BEST1: variants seen among roughly 807,000 people sequenced by gnomAD.
BEST1 encodes the protein bestrophin-1.
Under a neutral mutation model 63.3 loss-of-function variants are expected in BEST1, and 58 were observed. The ratio of observed to expected loss-of-function variants is 0.92; its 90% CI spans 0.74 to 1.14. The LOEUF (loss-of-function observed/expected upper bound fraction) is 1.14. Among genes scored for constraint, BEST1 ranks in the 50% most tolerant of loss-of-function variants. The pLI is 0.00. For missense variants in BEST1, 671 were observed against 740.1 expected, an observed-to-expected ratio of 0.91 and a Z score of 1.08; for synonymous variants, 283 against 291.6, an observed-to-expected ratio of 0.97 and a Z score of 0.30.
In BEST1 at chr11:61,958,128, T is replaced by TCCTCCTCCA. The variant is rs750482181; in HGVS notation, c.715-10_715-9insACCTCCTCC. ...TCCCACCTAGCCCTTTGCTACCACATCCTCCTCCTCCTCCCAGGTGGTGAC... is the reference window on the plus strand; with the variant it reads ...TCCCACCTAGCCCTTTGCTACCACATCCTCCTCCACCTCCTCCTCCTCCCAGGTGGTGAC... On this transcript the variant is annotated splice_polypyrimidine_tract_variant and intron_variant, in intron 6 of 10. Transcript: ENST00000378043. The TCCTCCTCCA allele has an allele frequency of 1.2e-5, 18 of 1,449,226 alleles. No individual in the cohort carries two copies. In the Admixed American group the frequency reaches 3.6e-4, roughly 29 times the overall value. The allele number at this position is 1,449,226 out of a possible 1,614,324, so 89.8% of individuals were successfully genotyped here. A position where few individuals can be genotyped will look rare whatever the true frequency, so the allele number is the denominator to read the frequency against.
chr11:61,950,689 A>C (rs1027575284), intron 1 of BEST1, among the ~76,000 whole-genome samples: 2 of 152,196 alleles, frequency 1.3e-5, no homozygotes, highest in African/African-American at 4.8e-5. Context: ...ATTTTTATTG[A>C]GCGCCTTCTA....
At chr11:61,952,104 G>A (rs942188304) in intron 2 of BEST1, 146 bp downstream of exon 2, 17 of 1,050,524 alleles carry the variant, frequency 1.6e-5, no homozygotes, top group Non-Finnish European at 2.4e-5. Flanking sequence ...CTGGGCACTG[G>A]AGCTGAGGCT....
At chr11:61,958,873 GACACACACAC>G (rs71471844) in intron 7 of BEST1, 2 of 192,762 alleles carry the variant, frequency 1.0e-5, no homozygotes, top group Non-Finnish European at 2.0e-5. Context: ...CTGTCACTGT[GACACACACAC>G]ACACACACAC....
chr11:61,952,845 C>T (rs967258183), intron 2 of BEST1, among the ~76,000 whole-genome samples: 23 of 152,022 alleles, frequency 1.5e-4, no homozygotes, highest in African/African-American at 5.3e-4. Context: ...CAGTGACTCG[C>T]GTCTGTAATC....
chr11:61,964,944 C>G, downstream of BEST1: 1 of 1,614,026 alleles, frequency 6.2e-7, no homozygotes, highest in Non-Finnish European at 8.5e-7. Context: ...ATCCCTAAGG[C>G]AAATGATTTC....
At chr11:61,955,301 G>T in intron 3 of BEST1, 100 bp downstream of exon 3, 5 of 1,587,028 alleles carry the variant, frequency 3.2e-6, no homozygotes, top group South Asian at 1.1e-5. Context: ...GGCTGGGGAG[G>T]GGGCGGGGGA....
At chr11:61,956,806 G>T (rs1941415641) in intron 4 of BEST1, 38 bp from the exon 5 acceptor site, 2 of 1,613,352 alleles carry the variant, frequency 1.2e-6, no homozygotes, top group Non-Finnish European at 1.7e-6. Flanking sequence ...CCTTCTGCAG[G>T]TTCTCCCACC....
chr11:61,956,558 G>C (rs765971696), intron 4 of BEST1, among the ~76,000 whole-genome samples: 1 of 152,124 alleles, frequency 6.6e-6, no homozygotes, highest in Non-Finnish European at 1.5e-5. Context: ...TCGGGAGGCT[G>C]AGGCAGGAGG....
rs1366033592 is a variant in BEST1 at position 61,964,404 on chromosome 11, C to G, written c.*282C>G. The stretch of plus-strand genomic sequence containing the variant: ...CCCTTAGTTCTATCTGAATCCAAGA[C>G]AGCCACACCTTAGTATACTGCCCAA... On this transcript the variant is annotated 3_prime_UTR_variant, in exon 11 of 11. Transcript: ENST00000378043. 1 of 637,596 alleles carries G rather than the reference C, an allele frequency of 1.6e-6. No individual in the cohort carries two copies. The highest frequency in any genetic ancestry group is 2.0e-5 in the South Asian group (1 of 50,588). 39.5% of individuals were successfully genotyped at this position (637,596 alleles called of 1,614,324 possible). A position where few individuals can be genotyped will look rare whatever the true frequency, so the allele number is the denominator to read the frequency against.
At chr11:61,965,194 C>T, downstream of BEST1, 1 of 1,598,196 alleles carries the variant, frequency 6.3e-7, no homozygotes, top group Non-Finnish European at 8.5e-7. Context: ...CACGTTTTGG[C>T]AAAAGGGACA....
intron 8 of BEST1, 54 bp from the exon 9 acceptor site, chr11:61,959,838 A>G (rs1941861896): frequency 1.2e-6 from 2 of 1,604,818 alleles, no homozygotes; most frequent in African/African-American, 1.3e-5. Flanking sequence ...GGCACATACA[A>G]GGTCCTGCCT....
At chr11:61,962,138 A>T in intron 9 of BEST1, 117 bp from the exon 10 acceptor site, 1 of 1,049,112 alleles carries the variant, frequency 9.5e-7, no homozygotes, top group Non-Finnish European at 1.4e-6. Context: ...GGTGAGGAAG[A>T]CGGTGTGGCC....
chr11:61,959,297 A>T (rs1182852901), intron 7 of BEST1: 1 of 629,370 alleles, frequency 1.6e-6, no homozygotes, highest in African/African-American at 1.8e-5. Flanking sequence ...CTGGCTCAGA[A>T]GAGTTAGAGG....
Position 61,959,791 on chromosome 11 carries a change from A to G in BEST1, c.949-101A>G, listed in dbSNP as rs538729930. ...CCCCATTTCACAGGCAGGGAAACTG[A>G]GGTCCAGAGAGAGGGAGAGATTCCT... On this transcript the variant is annotated intron_variant, in intron 8 of 10. Transcript: ENST00000378043. The G allele has an allele frequency of 4.0e-4, 604 of 1,522,018 alleles. No individual in the cohort carries two copies. The African/African-American group carries it at 7.6e-3, about 19-fold the overall frequency. The allele number at this position is 1,522,018 out of a possible 1,614,324, so 94.3% of individuals were successfully genotyped here.
intron 2 of BEST1, 23 bp downstream of exon 2, chr11:61,951,981 G>A (rs750997078): frequency 1.7e-5 from 28 of 1,610,058 alleles, no homozygotes; most frequent in Admixed American, 1.2e-4. Context: ...GGGCTGGGCC[G>A]GGGGGCCTGG....
chr11:61,964,912 CAGTT>C (rs758109637), downstream of BEST1: 953 of 1,612,826 alleles, frequency 5.9e-4, 2 homozygotes, highest in South Asian at 1.5e-3. Flanking sequence ...ATGGGGAAGA[CAGTT>C]AGTGGGCAGC....
At position 61,962,650 on chromosome 11, in the gene BEST1, A is replaced by T. The variant is rs1410773942; in HGVS notation, c.1496A>T (p.Asp499Val). The change falls in exon 10 of 11, where the codon GAC becomes GTC. Residue 499 changes from aspartate to valine, a missense_variant. By Grantham distance (152) the Asp-to-Val change is radical (BLOSUM62 -3). Coordinates refer to ENST00000378043, the MANE Select transcript of BEST1 (RefSeq NM_004183.4). ...AGTGTCACAGGCATAGACACCAAAG[A>T]CAAAAGCTTAAAGACTGTGAGTTCT... ...LHSVTGIDTK[D>V]KSLKTVSSGA... 8 of 1,614,200 alleles carry T rather than the reference A, an allele frequency of 5.0e-6. No homozygotes were observed. Among genetic ancestry groups the T allele is most frequent in the Non-Finnish European group, 3.4e-6 (4 of 1,180,036 alleles).
At chr11:61,964,970 G>C, downstream of BEST1, 1 of 1,614,108 alleles carries the variant, frequency 6.2e-7, no homozygotes, top group Non-Finnish European at 8.5e-7. Flanking sequence ...TTTATTTCCT[G>C]GGGTTCCAAT....
At chr11:61,955,300 G>GGGGGCGGGGGAACGCCAGCGGC (rs1941180476) in intron 3 of BEST1, 99 bp downstream of exon 3, 2 of 1,586,318 alleles carry the variant, frequency 1.3e-6, no homozygotes, top group Non-Finnish European at 1.7e-6. Context: ...GGGCTGGGGA[G>GGGGGCGGGGGAACGCCAGCGGC]GGGGCGGGGG....
Sources: allele counts gnomAD v4.1 joint callset (sites outside exome capture counted in the v4.1 genomes callset), GRCh38; gene constraint gnomAD v4.1.1; transcripts MANE v1.5; gene names NCBI Gene and HGNC (gene_info 2026-07-23, HGNC 2026-07-21).